The following NWD1 variants were observed in gnomAD, a reference collection of about 807,000 sequenced individuals.
The protein encoded by NWD1 is NACHT and WD repeat domain containing 1, also known as NACHT domain- and WD repeat-containing protein 1.
In NWD1, 129 loss-of-function variants were observed where a neutral mutation model predicts 135.1. The observed-to-expected ratio is 0.96, with a 90% CI of 0.83 to 1.11. The LOEUF is 1.11. NWD1 is among the 50% of genes least tolerant of loss of function. The pLI, the probability that NWD1 is intolerant of heterozygous loss-of-function variation, is 0.00. For missense variants in NWD1, 1,740 were observed against 1,851.3 expected, an observed-to-expected ratio of 0.94 and a Z score of 1.10; for synonymous variants, 773 against 786.0, an observed-to-expected ratio of 0.98 and a Z score of 0.28.
At position 16,779,367 on chromosome 19, in the gene NWD1, TGGA is replaced by T. The variant is rs773506220; in HGVS notation, c.2638_2640del (p.Glu880del). 1.9e-6 allele frequency: 3 copies of T among 1,613,772 alleles called. No individual in the cohort carries two copies. In the Admixed American group the frequency reaches 5.0e-5, roughly 27 times the overall value. ...GGCATCACCGCCATGGCATGGGGTG[TGGA>T]GGAGAAGCTGCTGGTGATTGGCACC... On this transcript the variant is annotated inframe_deletion, in exon 12 of 19. Coordinates refer to ENST00000524140, the MANE Select transcript of NWD1 (RefSeq NM_001007525.5).
At chr19:16,727,125 C>G (rs1967360157) in intron 2 of NWD1, 1 of 152,224 alleles carries the variant, frequency 6.6e-6, no homozygotes, top group African/African-American at 2.4e-5. Context: ...GCTCAACTTA[C>G]ACGGGTAGGC....
intron 16 of NWD1, among the ~76,000 whole-genome samples, chr19:16,798,408 G>A (rs964146630): frequency 3.3e-5 from 5 of 152,136 alleles, no homozygotes; most frequent in South Asian, 2.1e-4. Flanking sequence ...CCAGGAGTTC[G>A]AGACCAGCCT....
Position 16,749,450 on chromosome 19 carries a change from G to A in NWD1, c.808G>A (p.Val270Met). 6.2e-7 allele frequency: 1 copy of A among 1,613,520 alleles called. No homozygotes were observed. Among genetic ancestry groups the A allele is most frequent in the African/African-American group, 1.3e-5 (1 of 75,030 alleles). Residue 270 changes from valine to methionine, a missense_variant, in exon 6 of 19, where the codon GTG (valine) becomes ATG (methionine). Transcript: ENST00000524140. ...CYLKELGEQF[V>M]VRANHQVLTR... ...CCTGAAGGAGCTGGGTGAGCAGTTT[G>A]TGGTGAGGGCCAATCACCAGGTCCT... is the stretch of plus-strand genomic sequence containing the variant.
chr19:16,726,666 T>C (rs1376302371), intron 2 of NWD1, among the ~76,000 whole-genome samples: 2 of 152,092 alleles, frequency 1.3e-5, no homozygotes, highest in African/African-American at 4.8e-5. Context: ...TTTGAACTCC[T>C]AACCTCAAGT....
chr19:16,762,563 C>G (rs1013645463), intron 8 of NWD1, among the ~76,000 whole-genome samples: 2 of 152,050 alleles, frequency 1.3e-5, no homozygotes, highest in Admixed American at 6.6e-5. Flanking sequence ...CAAAAACAAA[C>G]AAACAAACAA....
At chr19:16,766,524 G>C (rs1015166662) in intron 10 of NWD1, among the ~76,000 whole-genome samples, 2 of 151,870 alleles carry the variant, frequency 1.3e-5, no homozygotes, top group African/African-American at 4.9e-5. Context: ...CAAGTCTTTA[G>C]ACGCTCTGGC....
chr19:16,736,804 T>A (rs1967838699), intron 4 of NWD1, 54 bp downstream of exon 4: 1 of 1,043,852 alleles, frequency 9.6e-7, no homozygotes, highest in African/African-American at 1.6e-5. Flanking sequence ...ATATGCCCCC[T>A]GCTTTCTAGA....
chr19:16,749,911 T>G lies in NWD1; in HGVS notation c.1269T>G (p.Thr423=). Residue 423 remains threonine (T), a synonymous_variant, in exon 6 of 19, where the codon ACT becomes ACG. Coordinates refer to ENST00000524140, the MANE Select transcript of NWD1 (RefSeq NM_001007525.5). The part of the protein sequence containing the change: ...VVQFFHTLLH[T]VSCRNFESLV... ...AGTTTTTCCATACCCTCCTCCACACTGTCTCTTGCAGAAACTTCGAGTCTC... is the reference window on the plus strand; with the variant it reads ...AGTTTTTCCATACCCTCCTCCACACGGTCTCTTGCAGAAACTTCGAGTCTC... 6.2e-7 allele frequency: 1 copy of G among 1,613,616 alleles called. No homozygotes were observed. The highest frequency in any genetic ancestry group is 1.1e-5 in the South Asian group (1 of 91,090).
intron 5 of NWD1, among the ~76,000 whole-genome samples, chr19:16,748,150 A>T (rs899552777): frequency 2.0e-5 from 3 of 151,830 alleles, no homozygotes; most frequent in African/African-American, 7.3e-5. Flanking sequence ...CGCTGGGCTA[A>T]TTTTTGTATT....
At chr19:16,751,009 G>A (rs1322754180) in intron 6 of NWD1, among the ~76,000 whole-genome samples, 1 of 151,486 alleles carries the variant, frequency 6.6e-6, no homozygotes, top group East Asian at 1.9e-4. Context: ...ATCACCCAAG[G>A]TTGGGAGTTG....
chr19:16,726,352 C>T lies in NWD1; in HGVS notation c.-7+1889C>T, dbSNP rs540734863. ...CCTTGAACTGCTGGCTCAAGAGATC[C>T]TCCTGCCCTGGCCTCTGGAATAGCT... On this transcript the variant is annotated intron_variant, in intron 2 of 18. Coordinates refer to ENST00000524140, the MANE Select transcript of NWD1 (RefSeq NM_001007525.5). Among the ~76,000 whole-genome samples the T allele has an allele frequency of 4.6e-5, 7 of 152,286 alleles. No individual in the cohort carries two copies. The East Asian group carries it at 1.3e-3, about 29-fold the overall frequency.
chr19:16,759,309 G>C lies in NWD1; in HGVS notation c.1854G>C (p.Pro618=), dbSNP rs145131372. The C allele has an allele frequency of 6.2e-7, 1 of 1,614,052 alleles. No individual in the cohort carries two copies. Among genetic ancestry groups the C allele is most frequent in the African/African-American group, 1.3e-5 (1 of 75,054 alleles). Residue 618 remains proline (P), a synonymous_variant, in exon 7 of 19, where the codon CCG becomes CCC. Coordinates refer to ENST00000524140, the MANE Select transcript of NWD1 (RefSeq NM_001007525.5). The part of the protein sequence containing the change: ...VLQDVYRDWT[P]PSKELLRFPP... The stretch of plus-strand genomic sequence containing the variant: ...AGGATGTGTACCGAGATTGGACCCC[G>C]CCCAGCAAGGAGCTGCTGCGCTTCC...
chr19:16,740,535 G>A (rs898394408), intron 4 of NWD1, among the ~76,000 whole-genome samples: 1 of 151,238 alleles, frequency 6.6e-6, no homozygotes. Flanking sequence ...ACAGGGTTTC[G>A]CCATGTTGGC....
At chr19:16,758,515 A>T (rs1968881594) in intron 6 of NWD1, among the ~76,000 whole-genome samples, 1 of 152,112 alleles carries the variant, frequency 6.6e-6, no homozygotes, top group African/African-American at 2.4e-5. Context: ...GGCCTCGAGC[A>T]GTCCTCCTGC....
In NWD1 at chr19:16,750,386, G is replaced by C. The variant is rs143795871; in HGVS notation, c.1744G>C (p.Val582Leu). ...ACACGGGCAGCTCCTCGTGGCCCACGTGCTGGGCTACATTGTGTCTTCCCG... is the reference window on the plus strand; with the variant it reads ...ACACGGGCAGCTCCTCGTGGCCCACCTGCTGGGCTACATTGTGTCTTCCCG... Reference protein sequence around the residue: ...QTHGQLLVAHVLGYIVSSRHG... With the variant: ...QTHGQLLVAHLLGYIVSSRHG... Residue 582 changes from valine to leucine, a missense_variant, in exon 6 of 19, where the codon GTG (valine) becomes CTG (leucine). Transcript: ENST00000524140. 4.4e-6 allele frequency: 7 copies of C among 1,593,556 alleles called. No individual in the cohort carries two copies. In the African/African-American group the frequency reaches 9.5e-5, roughly 22 times the overall value.
rs996467382 is a variant in NWD1 at position 16,749,189 on chromosome 19, C to T, written c.547C>T (p.Gln183Ter). 16 of 1,613,268 alleles carry T rather than the reference C, an allele frequency of 9.9e-6. No homozygotes were observed. Among genetic ancestry groups the T allele is most frequent in the African/African-American group, 1.3e-5 (1 of 74,886 alleles). The part of the protein sequence containing the change: ...RSLLSSEDRE[Q>*]GATVFLREIQ... ...CCTGCTGAGCTCAGAGGACCGGGAA[C>T]AGGGAGCCACCGTCTTCCTTAGAGA... Residue 183 changes from glutamine to a stop codon, truncating the protein, a stop_gained, in exon 6 of 19, where the codon CAG becomes TAG. Transcript: ENST00000524140. LOFTEE classifies it high-confidence loss of function.
At position 16,789,168 on chromosome 19, in the gene NWD1, T is replaced by C. The variant is rs1568382155; in HGVS notation, c.2918T>C (p.Val973Ala). The C allele has an allele frequency of 6.2e-7, 1 of 1,613,982 alleles. No individual in the cohort carries two copies. The highest frequency in any genetic ancestry group is 2.2e-5 in the East Asian group (1 of 44,878). ...CATGTGGATGAGGCACACAAAGTTG[T>C]GTATTCAGCATCTGGCTCAAAGGTA... The part of the protein sequence containing the change: ...NLHVDEAHKV[V>A]YSASGSKINA... Residue 973 changes from valine to alanine, a missense_variant, in exon 13 of 19, where the codon GTG (valine) becomes GCG (alanine). Val to Ala is a moderately conservative substitution (Grantham distance 64). Coordinates refer to ENST00000524140, the MANE Select transcript of NWD1 (RefSeq NM_001007525.5).
intron 4 of NWD1, among the ~76,000 whole-genome samples, chr19:16,738,058 G>A (rs971051506): frequency 6.6e-6 from 1 of 152,102 alleles, no homozygotes; most frequent in African/African-American, 2.4e-5. Context: ...AGGCAAGTGT[G>A]GCCTGCTGCC....
intron 13 of NWD1, among the ~76,000 whole-genome samples, chr19:16,790,467 G>T (rs1008507861): frequency 2.0e-5 from 3 of 151,670 alleles, no homozygotes; most frequent in Admixed American, 1.3e-4. Context: ...AAATTCGGGG[G>T]GTAGGGGGTA....
Sources: gnomAD v4.1 joint callset for allele counts (sites outside exome capture counted in the v4.1 genomes callset) on GRCh38, gnomAD v4.1.1 for gene constraint, MANE v1.5 for transcripts, NCBI Gene and HGNC (gene_info 2026-07-23, HGNC 2026-07-21) for gene names.